Variants in ZNF827 observed in about 807,000 individuals in gnomAD.
The protein encoded by ZNF827 is zinc finger protein 827.
ZNF827 carries 13 observed loss-of-function variants against 102.4 expected under a neutral mutation model. The observed-to-expected ratio is 0.13, with a 90% confidence interval of 0.08 to 0.20. The LOEUF (loss-of-function observed/expected upper bound fraction) is 0.20, where lower values mean the gene tolerates loss of function less well. Ranked by LOEUF, ZNF827 falls within the 10% of genes least tolerant of loss-of-function variation. ZNF827 has a pLI of 1.00. For synonymous variants in ZNF827, 523 were observed against 536.2 expected (o/e 0.98, Z 0.34); for missense variants, 1,103 against 1,344.4 (o/e 0.82, Z 2.81).
At chr4:145,812,503 AT>A (rs1742125803) in intron 8 of ZNF827, among the ~76,000 whole-genome samples, 1 of 83,998 alleles carries the variant, frequency 1.2e-5, no homozygotes, top group Admixed American at 1.3e-4. Flanking sequence ...TTTTATATTT[AT>A]TTATTTATTT....
chr4:145,926,125 C>T (rs1438617703), intron 1 of ZNF827, among the ~76,000 whole-genome samples: 1 of 152,198 alleles, frequency 6.6e-6, no homozygotes, highest in East Asian at 1.9e-4. Flanking sequence ...TATTCGGTTC[C>T]ACAAATTCCC....
intron 5 of ZNF827, among the ~76,000 whole-genome samples, chr4:145,854,111 AACTAGGAGTTTGGAAGTCTTCCTC>A (rs1020044117): frequency 1.1e-4 from 17 of 152,016 alleles, no homozygotes; most frequent in South Asian, 6.2e-4. Flanking sequence ...TTATCTTCCA[AACTAGGAGTTTGGAAGTCTTCCTC>A]ACTAGGAGTT....
At chr4:145,831,335 C>T (rs1744192018) in intron 7 of ZNF827, 1 of 152,196 alleles carries the variant, frequency 6.6e-6, no homozygotes, top group Admixed American at 6.5e-5. Flanking sequence ...TCATGTTGGG[C>T]TCACACATTT....
In ZNF827 at chr4:145,920,573, G is replaced by A. The variant is rs558752486; in HGVS notation, c.44-17358C>T. On this transcript the variant is annotated intron_variant, in intron 1 of 14. Transcript: ENST00000508784. ...GCGAATGTCCAGGGTACTGTTCATC[G>A]CCTCCTATACCCAGCCCGGGACAAT... Among the ~76,000 whole-genome samples, 14 of 152,304 alleles carry A rather than the reference G, an allele frequency of 9.2e-5. No homozygotes were observed. In the East Asian group the frequency reaches 2.3e-3, roughly 25 times the overall value.
intron 2 of ZNF827, 40 bp from the exon 3 acceptor site, chr4:145,892,455 A>G: frequency 6.4e-7 from 1 of 1,571,850 alleles, no homozygotes; most frequent in African/African-American, 1.4e-5. Flanking sequence ...AAGGAAAACA[A>G]AAAGGTACAC....
chr4:145,803,453 G>A (rs976174916), intron 8 of ZNF827, among the ~76,000 whole-genome samples: 1 of 151,816 alleles, frequency 6.6e-6, no homozygotes, highest in African/African-American at 2.4e-5. Flanking sequence ...AGCAAACAGT[G>A]TATCAGGATC....
rs139034298 is a variant in ZNF827 at position 145,866,625 on chromosome 4, T to G, written c.1981+3620A>C. 1.0e-3 allele frequency among the ~76,000 whole-genome samples: 154 copies of G among 152,380 alleles called. 1 individual carries two copies. In the East Asian group the frequency reaches 0.029, roughly 29 times the overall value. ...TACCATGTTAGAGAAATGTAAACGT[T>G]TAATTTTTCATTAATGTTTCTGCAT... On this transcript the variant is annotated intron_variant, in intron 5 of 14. Coordinates refer to ENST00000508784, the MANE Select transcript of ZNF827 (RefSeq NM_001306215.2).
intron 4 of ZNF827, among the ~76,000 whole-genome samples, chr4:145,884,130 A>C (rs1273418200): frequency 1.3e-5 from 2 of 152,122 alleles, no homozygotes; most frequent in Non-Finnish European, 2.9e-5. Context: ...ATTCCAGCAT[A>C]GGGCCCCCTC....
rs780171946 is a variant in ZNF827 at position 145,902,563 on chromosome 4, C to T, written c.696G>A (p.Glu232=). Residue 232 remains glutamate (E), a synonymous_variant, in exon 2 of 15, where the codon GAG becomes GAA. Transcript: ENST00000508784. The surrounding 1 kb of genome is among the most constrained non-coding windows in gnomAD (Gnocchi z 4.3). ...VLQDKSLTRT[E]ETMRFESFSS... is the part of the protein sequence containing the mutation. ...AAAAGGACTCAAATCGCATGGTCTC[C>T]TCAGTCCTGGTGAGAGATTTGTCCT... is the stretch of plus-strand genomic sequence containing the variant. The T allele has an allele frequency of 1.1e-5, 17 of 1,614,008 alleles. No homozygotes were observed. The Admixed American group carries it at 2.8e-4, about 27-fold the overall frequency.
chr4:145,857,441 T>A (rs1296327014), intron 5 of ZNF827, among the ~76,000 whole-genome samples: 1 of 152,172 alleles, frequency 6.6e-6, no homozygotes, highest in Non-Finnish European at 1.5e-5. Context: ...TTTAAATTAG[T>A]CTTGTGTCCT....
chr4:145,775,363 A>T (rs1736895728), intron 10 of ZNF827, among the ~76,000 whole-genome samples: 1 of 152,220 alleles, frequency 6.6e-6, no homozygotes, highest in African/African-American at 2.4e-5. Context: ...TGATACAACC[A>T]TGGGGAAATA....
At chr4:145,818,102 G>T (rs1195619977) in intron 8 of ZNF827, among the ~76,000 whole-genome samples, 1 of 152,128 alleles carries the variant, frequency 6.6e-6, no homozygotes, top group Admixed American at 6.5e-5. Context: ...TTACTTAAAG[G>T]ACTAATTTTT....
intron 1 of ZNF827, among the ~76,000 whole-genome samples, chr4:145,931,694 G>A (rs993905451): frequency 6.6e-6 from 1 of 152,162 alleles, no homozygotes; most frequent in African/African-American, 2.4e-5. Flanking sequence ...TCCTTGTCCT[G>A]TCCTAATACT....
intron 4 of ZNF827, 147 bp downstream of exon 4, chr4:145,885,531 C>G: frequency 8.5e-7 from 1 of 1,173,220 alleles, no homozygotes; most frequent in South Asian, 2.2e-5. Context: ...GAAGTGCAGA[C>G]TATCCAAATT....
intron 1 of ZNF827, among the ~76,000 whole-genome samples, chr4:145,907,611 G>A (rs772827007): frequency 3.3e-5 from 5 of 152,174 alleles, no homozygotes; most frequent in African/African-American, 7.2e-5. Flanking sequence ...TGCTTCCTGC[G>A]GTACAGTGAC....
intron 1 of ZNF827, 132 bp downstream of exon 1, chr4:145,938,233 G>T: frequency 9.3e-7 from 1 of 1,072,248 alleles, no homozygotes; most frequent in Non-Finnish European, 1.4e-6. Context: ...AGTAACCCGG[G>T]CTGTGTCTTT....
At chr4:145,934,125 G>T (rs1474762391) in intron 1 of ZNF827, among the ~76,000 whole-genome samples, 2 of 152,148 alleles carry the variant, frequency 1.3e-5, no homozygotes, top group Non-Finnish European at 2.9e-5. Flanking sequence ...ATCCCAAAAT[G>T]ATAATTACTG....
At chr4:145,888,674 T>A (rs72725707) in intron 3 of ZNF827, among the ~76,000 whole-genome samples, 5 of 152,276 alleles carry the variant, frequency 3.3e-5, no homozygotes, top group Admixed American at 1.3e-4. Flanking sequence ...CTCAGTACCC[T>A]GACTCTCGGT....
intron 5 of ZNF827, among the ~76,000 whole-genome samples, chr4:145,855,646 T>C (rs1579386216): frequency 1.3e-5 from 2 of 152,340 alleles, no homozygotes; most frequent in South Asian, 4.1e-4. Flanking sequence ...GTTTTCTTGG[T>C]TGCTCAGAGA....
Sources: allele counts gnomAD v4.1 joint callset (sites outside exome capture counted in the v4.1 genomes callset), GRCh38; gene constraint gnomAD v4.1.1; non-coding constraint Gnocchi (gnomAD v3.1); transcripts MANE v1.5; gene names NCBI Gene and HGNC (gene_info 2026-07-23, HGNC 2026-07-21).